The following ANK3 variants were observed in gnomAD, a reference collection of about 807,000 sequenced individuals.
ANK3 encodes the protein ankyrin-3.
A neutral mutation model predicts 370.9 loss-of-function variants in ANK3; 57 were observed. That is an observed-to-expected ratio of 0.15 (90% CI 0.12 to 0.19). The LOEUF (loss-of-function observed/expected upper bound fraction) is 0.19, where lower values mean the gene tolerates loss of function less well. ANK3 is among the 10% of genes least tolerant of loss of function. The pLI, the probability that ANK3 is intolerant of heterozygous loss-of-function variation, is 1.00. For missense variants in ANK3, 4,439 were observed against 5,302.1 expected (o/e 0.84, Z 5.06); for synonymous variants, 1,929 against 1,946.3 (o/e 0.99, Z 0.23).
chr10:60,521,077 T>C (rs1317761649), intron 2 of ANK3, among the ~76,000 whole-genome samples: 1 of 152,096 alleles, frequency 6.6e-6, no homozygotes, highest in Non-Finnish European at 1.5e-5. Flanking sequence ...TGTTATCTAT[T>C]TTGTCACAAC....
chr10:60,139,934 A>G, intron 23 of ANK3: 1 of 184,556 alleles, frequency 5.4e-6, no homozygotes, highest in Non-Finnish European at 1.1e-5. Flanking sequence ...CCTTCTCAAA[A>G]GGTAGCACAG....
At chr10:60,358,420 C>T (rs1297477178) in intron 1 of ANK3, among the ~76,000 whole-genome samples, 1 of 152,192 alleles carries the variant, frequency 6.6e-6, no homozygotes, top group African/African-American at 2.4e-5. Context: ...GACAATCATG[C>T]AGGCTTACCT....
chr10:60,326,758 A>T (rs1428907442), intron 1 of ANK3, among the ~76,000 whole-genome samples: 1 of 152,140 alleles, frequency 6.6e-6, no homozygotes, highest in Non-Finnish European at 1.5e-5. Context: ...GCGTTGACTC[A>T]TGCCTGTAAT....
rs559752312 is a variant in ANK3 at position 60,533,293 on chromosome 10, G to A, written c.96+81893C>T. On this transcript the variant is annotated intron_variant, in intron 2 of 43. Transcript: ENST00000373827. ...AGCTGGACTGGATCTGTGTGATCCT[G>A]AAGAATCCCATCATGTTTGGATCAA... Among the ~76,000 whole-genome samples, 9 of 152,210 alleles carry A rather than the reference G, an allele frequency of 5.9e-5. No individual in the cohort carries two copies. The South Asian group carries it at 1.9e-3, about 32-fold the overall frequency.
At chr10:60,185,880 A>C (rs549160040) in intron 17 of ANK3, among the ~76,000 whole-genome samples, 310 of 152,216 alleles carry the variant, frequency 2.0e-3, no homozygotes, top group African/African-American at 7.2e-3. Flanking sequence ...TGCTTGACAA[A>C]ACTCTAGTCT....
At position 60,063,198 on chromosome 10, in the gene ANK3, G is replaced by T; in HGVS notation, c.12508C>A (p.Leu4170Ile). 1 of 1,613,390 alleles carries T rather than the reference G, an allele frequency of 6.2e-7. No homozygotes were observed. The highest frequency in any genetic ancestry group is 1.3e-5 in the African/African-American group (1 of 75,026). The change falls in exon 40 of 44, where the codon CTA becomes ATA. Residue 4170 changes from leucine to isoleucine, a missense_variant. Leu to Ile is a conservative substitution (Grantham distance 5). This residue lies in a region of ANK3 where 99 missense variants were observed against 150.7 expected (regional missense o/e 0.66). Transcript: ENST00000280772. ...CCATAATCAAATATTGGTCCTTCTA[G>T]CAGTGTCACTATATCTATTCGATTA... ...KINRIDIVTL[L>I]EGPIFDYGNI... is the part of the protein sequence containing the mutation.
chr10:60,122,601 T>G (rs2093551838), intron 25 of ANK3, among the ~76,000 whole-genome samples: 1 of 152,266 alleles, frequency 6.6e-6, no homozygotes, highest in African/African-American at 2.4e-5. Context: ...TCAGTCTTAG[T>G]TTCTGCATTT....
intron 2 of ANK3, among the ~76,000 whole-genome samples, chr10:60,539,289 A>G (rs779564731): frequency 5.3e-5 from 8 of 152,076 alleles, no homozygotes; most frequent in Middle Eastern, 3.4e-3. Context: ...ATACACTATA[A>G]TACCATTGAT....
At chr10:60,366,644 G>T (rs1169184174) in intron 1 of ANK3, among the ~76,000 whole-genome samples, 1 of 152,028 alleles carries the variant, frequency 6.6e-6, no homozygotes. Context: ...GGGGAGGAAG[G>T]GAAGGAGGAA....
At chr10:60,468,890 C>T (rs144737938) in intron 2 of ANK3, among the ~76,000 whole-genome samples, 1,788 of 148,052 alleles carry the variant, frequency 0.012, 36 homozygotes, top group African/African-American at 0.042. Flanking sequence ...TATTTCTTTG[C>T]GGTCATATAC....
chr10:60,035,627 A>T (rs1277576057), intron 43 of ANK3, among the ~76,000 whole-genome samples: 1 of 152,020 alleles, frequency 6.6e-6, no homozygotes, highest in Non-Finnish European at 1.5e-5. Flanking sequence ...CCAGAACTGG[A>T]AATCAAGCCA....
chr10:60,506,588 A>G (rs1302094138), intron 2 of ANK3, among the ~76,000 whole-genome samples: 1 of 152,150 alleles, frequency 6.6e-6, no homozygotes, highest in African/African-American at 2.4e-5. Flanking sequence ...AGATGCAGAC[A>G]TGACTCTGCT....
intron 24 of ANK3, among the ~76,000 whole-genome samples, chr10:60,136,455 AT>A (rs2094348859): frequency 6.6e-6 from 1 of 150,486 alleles, no homozygotes; most frequent in East Asian, 2.0e-4. Flanking sequence ...TTAGACATTC[AT>A]TTCTTCAAAT....
chr10:60,317,651 A>G (rs1197762574), intron 1 of ANK3, among the ~76,000 whole-genome samples: 2 of 152,184 alleles, frequency 1.3e-5, no homozygotes, highest in African/African-American at 4.8e-5. Flanking sequence ...TGCCTGAAAT[A>G]ACATCATCAG....
At chr10:60,068,345 T>C (rs74591401) in intron 37 of ANK3, among the ~76,000 whole-genome samples, 2,147 of 152,274 alleles carry the variant, frequency 0.014, 39 homozygotes, top group African/African-American at 0.047. Context: ...TCATATCCAT[T>C]AGCACATTAA....
upstream of ANK3, among the ~76,000 whole-genome samples, chr10:60,394,159 G>A (rs1017991526): frequency 3.4e-5 from 5 of 147,286 alleles, no homozygotes; most frequent in South Asian, 1.1e-3. Context: ...TTAATTATTG[G>A]CATCCTAGAT....
intron 1 of ANK3, among the ~76,000 whole-genome samples, chr10:60,351,445 A>G (rs975330856): frequency 2.0e-5 from 3 of 152,206 alleles, no homozygotes; most frequent in African/African-American, 7.2e-5. Flanking sequence ...TTGCTTTGAC[A>G]TAGAACTGCC....
At chr10:60,548,206 CTTTTTTTTTTTTTTTTTT>C (rs537459971) in intron 2 of ANK3, among the ~76,000 whole-genome samples, 2 of 88,372 alleles carry the variant, frequency 2.3e-5, no homozygotes, top group East Asian at 4.1e-4. Context: ...TAAATATTTC[CTTTTTTTTTTTTTTTTTT>C]TTTTTTTTTT....
At chr10:60,541,340 T>C (rs966906659) in intron 2 of ANK3, among the ~76,000 whole-genome samples, 1 of 151,994 alleles carries the variant, frequency 6.6e-6, no homozygotes, top group Non-Finnish European at 1.5e-5. Flanking sequence ...AGGCATCACT[T>C]TTCTAATCAG....
Sources: allele counts gnomAD v4.1 joint callset (sites outside exome capture counted in the v4.1 genomes callset), GRCh38; gene constraint gnomAD v4.1.1; regional missense constraint gnomAD v4.1.1; transcripts MANE v1.5; gene names NCBI Gene and HGNC (gene_info 2026-07-23, HGNC 2026-07-21).